NKAIN2: variants seen among roughly 807,000 people sequenced by gnomAD.
NKAIN2 encodes the protein sodium/potassium transporting ATPase interacting 2.
NKAIN2 carries 14 observed loss-of-function variants against 32.6 expected under a neutral mutation model. The observed-to-expected ratio is 0.43, with a 90% CI of 0.28 to 0.67. The LOEUF is 0.67. Ranked by LOEUF, NKAIN2 falls within the 30% of genes least tolerant of loss-of-function variation. The pLI is 0.17. For synonymous variants in NKAIN2, 80 were observed against 87.2 expected, an observed-to-expected ratio of 0.92 and a Z score of 0.46; for missense variants, 198 against 258.3, an observed-to-expected ratio of 0.77 and a Z score of 1.60.
intron 4 of NKAIN2, among the ~76,000 whole-genome samples, chr6:124,689,323 G>A (rs1296235461): frequency 6.6e-6 from 1 of 152,050 alleles, no homozygotes; most frequent in African/African-American, 2.4e-5. Context: ...TTTTACCATT[G>A]AGTTTTAAGA....
At chr6:124,529,090 A>G (rs943340151) in intron 3 of NKAIN2, among the ~76,000 whole-genome samples, 2 of 152,172 alleles carry the variant, frequency 1.3e-5, no homozygotes, top group Admixed American at 1.3e-4. Context: ...TATCATGACA[A>G]TAGTCAATTA....
intron 6 of NKAIN2, among the ~76,000 whole-genome samples, chr6:124,819,893 AT>A (rs368133526): frequency 1.7e-3 from 265 of 152,096 alleles, no homozygotes; most frequent in African/African-American, 6.0e-3. Flanking sequence ...CCCCTTAGCC[AT>A]TTTTTTCTTG....
At chr6:124,583,240 A>G (rs1328373080) in intron 3 of NKAIN2, among the ~76,000 whole-genome samples, 6 of 151,718 alleles carry the variant, frequency 4.0e-5, no homozygotes, top group Admixed American at 6.6e-5. Flanking sequence ...AAAAAAAAAA[A>G]AAACATTAAA....
At chr6:124,219,263 A>T (rs1333949167) in intron 1 of NKAIN2, among the ~76,000 whole-genome samples, 3 of 143,078 alleles carry the variant, frequency 2.1e-5, no homozygotes, top group East Asian at 2.1e-4. Context: ...TTTTATTTTT[A>T]TTTTCTTTTT....
chr6:124,492,392 A>C (rs1209146276), intron 3 of NKAIN2, among the ~76,000 whole-genome samples: 2 of 151,990 alleles, frequency 1.3e-5, no homozygotes, highest in African/African-American at 4.8e-5. Context: ...CAGTTCAGTT[A>C]AATGTTCCTA....
intron 1 of NKAIN2, among the ~76,000 whole-genome samples, chr6:124,160,558 A>C (rs747553189): frequency 6.6e-6 from 1 of 152,180 alleles, no homozygotes; most frequent in Non-Finnish European, 1.5e-5. Flanking sequence ...TATGTTTTGC[A>C]TATATTCAGC....
intron 2 of NKAIN2, among the ~76,000 whole-genome samples, chr6:124,343,980 C>T (rs1031513611): frequency 6.6e-6 from 1 of 151,824 alleles, no homozygotes; most frequent in East Asian, 1.9e-4. Flanking sequence ...AGGTTTAAGT[C>T]TTTAATCCAT....
intron 3 of NKAIN2, among the ~76,000 whole-genome samples, chr6:124,618,055 C>T (rs1337075799): frequency 6.6e-6 from 1 of 152,184 alleles, no homozygotes; most frequent in East Asian, 1.9e-4. Flanking sequence ...CTGTTTAATA[C>T]AATGCAATTT....
intron 1 of NKAIN2, among the ~76,000 whole-genome samples, chr6:123,826,123 G>A (rs911749520): frequency 5.3e-5 from 8 of 152,100 alleles, no homozygotes; most frequent in African/African-American, 1.7e-4. Context: ...ACTGCTGACA[G>A]AAGTCCCAGC....
At chr6:124,355,462 T>C (rs1052907392) in intron 3 of NKAIN2, 115 bp downstream of exon 3, 3 of 649,770 alleles carry the variant, frequency 4.6e-6, no homozygotes, top group Non-Finnish European at 8.4e-6. Context: ...TGAAAGTAAA[T>C]TGAAAGGTGT....
chr6:124,226,431 G>T (rs1402432866), intron 1 of NKAIN2, among the ~76,000 whole-genome samples: 1 of 151,898 alleles, frequency 6.6e-6, no homozygotes, highest in Non-Finnish European at 1.5e-5. Context: ...TGTTGCCTCA[G>T]ATTTCTTTTC....
intron 4 of NKAIN2, among the ~76,000 whole-genome samples, chr6:124,748,896 A>T (rs1777581469): frequency 6.6e-6 from 1 of 150,718 alleles, no homozygotes; most frequent in South Asian, 2.1e-4. Flanking sequence ...TTTCTATTGC[A>T]GCTGTAACAA....
At chr6:124,427,484 A>T (rs1489661867) in intron 3 of NKAIN2, among the ~76,000 whole-genome samples, 1 of 152,224 alleles carries the variant, frequency 6.6e-6, no homozygotes, top group Non-Finnish European at 1.5e-5. Context: ...TATGTTAATT[A>T]TACCTCAGTA....
At chr6:124,289,036 T>C (rs1795685197) in intron 2 of NKAIN2, among the ~76,000 whole-genome samples, 1 of 152,132 alleles carries the variant, frequency 6.6e-6, no homozygotes, top group Non-Finnish European at 1.5e-5. Flanking sequence ...AAGCAAGTCA[T>C]CAAATGATGG....
chr6:124,587,981 A>T (rs2114954825), intron 3 of NKAIN2, among the ~76,000 whole-genome samples: 1 of 152,116 alleles, frequency 6.6e-6, no homozygotes, highest in South Asian at 2.1e-4. Context: ...CTCCTAAATC[A>T]CCATCTCTAG....
chr6:124,602,919 C>G (rs1268958154), intron 3 of NKAIN2, among the ~76,000 whole-genome samples: 3 of 151,902 alleles, frequency 2.0e-5, no homozygotes, highest in African/African-American at 7.2e-5. Context: ...TGATCTAAAA[C>G]CTGGCCACCT....
intron 3 of NKAIN2, among the ~76,000 whole-genome samples, chr6:124,385,186 C>A (rs1249645177): frequency 6.6e-6 from 1 of 152,054 alleles, no homozygotes; most frequent in Non-Finnish European, 1.5e-5. Flanking sequence ...TTCTTTTAGC[C>A]AGCTATGAGG....
At chr6:124,718,182 G>T (rs961100952) in intron 4 of NKAIN2, among the ~76,000 whole-genome samples, 5 of 151,944 alleles carry the variant, frequency 3.3e-5, no homozygotes, top group Non-Finnish European at 7.4e-5. Flanking sequence ...TCTAAGTTTA[G>T]AACATTTTTA....
intron 1 of NKAIN2, among the ~76,000 whole-genome samples, chr6:124,042,542 A>C (rs977038496): frequency 6.6e-6 from 1 of 151,992 alleles, no homozygotes; most frequent in Middle Eastern, 3.2e-3. Flanking sequence ...GGGGGAAAAA[A>C]CCCACAAACT....
Sources: allele counts gnomAD v4.1 joint callset (sites outside exome capture counted in the v4.1 genomes callset), GRCh38; gene constraint gnomAD v4.1.1; transcripts MANE v1.5; gene names NCBI Gene and HGNC (gene_info 2026-07-23, HGNC 2026-07-21).